Variants in SHISA9 observed in about 807,000 individuals in gnomAD.
SHISA9 encodes the protein protein shisa-9.
Under a neutral mutation model 38.0 loss-of-function variants are expected in SHISA9, and 13 were observed. The observed-to-expected ratio is 0.34, with a 90% CI of 0.22 to 0.54. The LOEUF (loss-of-function observed/expected upper bound fraction) is 0.54. Ranked by LOEUF, SHISA9 falls within the 20% of genes least tolerant of loss-of-function variation. SHISA9 has a pLI of 0.91. For synonymous variants in SHISA9, 275 were observed against 242.0 expected (o/e 1.14, Z -1.27); for missense variants, 538 against 575.8 (o/e 0.93, Z 0.67).
intron 2 of SHISA9, among the ~76,000 whole-genome samples, chr16:13,006,900 T>G (rs2072604928): frequency 6.6e-6 from 1 of 152,156 alleles, no homozygotes; most frequent in Non-Finnish European, 1.5e-5. Flanking sequence ...CTCTGACCAT[T>G]CAGCTCAGGC....
chr16:13,232,333 A>T (rs1410428754), intron 4 of SHISA9, among the ~76,000 whole-genome samples: 1 of 152,240 alleles, frequency 6.6e-6, no homozygotes, highest in Admixed American at 6.5e-5. Context: ...AAATTGTCAA[A>T]TGAAAAACAA....
intron 2 of SHISA9, among the ~76,000 whole-genome samples, chr16:13,081,441 A>T (rs929170937): frequency 6.6e-6 from 1 of 152,182 alleles, no homozygotes; most frequent in Non-Finnish European, 1.5e-5. Flanking sequence ...GCCAAGGGAA[A>T]CTGGGCTGAA....
chr16:13,259,530 A>C, the SHISA9 span, among the ~76,000 whole-genome samples: 5 of 152,248 alleles, frequency 3.3e-5, no homozygotes, highest in Admixed American at 6.5e-5. Context: ...CTGCCCTAGC[A>C]GAGGTTCTCC....
the SHISA9 span, among the ~76,000 whole-genome samples, chr16:13,251,247 T>C: frequency 6.6e-6 from 1 of 152,126 alleles, no homozygotes; most frequent in African/African-American, 2.4e-5. Flanking sequence ...TGGCAGATAA[T>C]ATTCCAGGGG....
At chr16:13,310,255 C>T in the SHISA9 span, among the ~76,000 whole-genome samples, 2 of 151,978 alleles carry the variant, frequency 1.3e-5, no homozygotes, top group South Asian at 4.1e-4. Context: ...ACTCGTGTTA[C>T]AGTTATAACT....
intron 2 of SHISA9, among the ~76,000 whole-genome samples, chr16:13,168,678 T>G (rs1419518509): frequency 1.3e-5 from 2 of 152,216 alleles, no homozygotes; most frequent in African/African-American, 4.8e-5. Flanking sequence ...AGCTGGGATT[T>G]GCTCTGGATC....
At chr16:13,022,483 C>CA (rs1398451021) in intron 2 of SHISA9, among the ~76,000 whole-genome samples, 3 of 152,110 alleles carry the variant, frequency 2.0e-5, no homozygotes, top group Admixed American at 6.5e-5. Flanking sequence ...AGGCATGTGC[C>CA]ACCACACCCG....
chr16:12,977,865 A>G (rs896374318), intron 2 of SHISA9, among the ~76,000 whole-genome samples: 2 of 152,148 alleles, frequency 1.3e-5, no homozygotes, highest in African/African-American at 4.8e-5. Flanking sequence ...TAGCTAATGC[A>G]TGCTGGGTTT....
the SHISA9 span, among the ~76,000 whole-genome samples, chr16:13,292,611 C>T: frequency 1.3e-5 from 2 of 152,190 alleles, no homozygotes; most frequent in East Asian, 3.9e-4. Context: ...AAATCCAGTC[C>T]TCATCCAAGA....
chr16:13,207,789 A>T (rs1332908907), intron 3 of SHISA9, among the ~76,000 whole-genome samples: 1 of 152,224 alleles, frequency 6.6e-6, no homozygotes, highest in Non-Finnish European at 1.5e-5. Context: ...GTTCTTTGTT[A>T]AAGCATAATG....
chr16:12,928,326 G>GTGTGTGTGTGTGTGTA (rs1382963907), intron 2 of SHISA9, among the ~76,000 whole-genome samples: 1 of 140,666 alleles, frequency 7.1e-6, no homozygotes, highest in African/African-American at 2.5e-5. Flanking sequence ...GTGTGTGTGT[G>GTGTGTGTGTGTGTGTA]TGTGTATGTG....
the SHISA9 span, among the ~76,000 whole-genome samples, chr16:13,431,548 G>C: frequency 6.6e-6 from 1 of 152,094 alleles, no homozygotes; most frequent in South Asian, 2.1e-4. Context: ...ACAAACATTT[G>C]GTCCACTGTT....
chr16:13,067,093 AG>A (rs1406076781), intron 2 of SHISA9, among the ~76,000 whole-genome samples: 21 of 152,370 alleles, frequency 1.4e-4, no homozygotes, highest in African/African-American at 5.0e-4. Context: ...TGAGGGACAC[AG>A]GTAGAAACAC....
intron 2 of SHISA9, among the ~76,000 whole-genome samples, chr16:12,947,693 C>G (rs758141203): frequency 1.5e-4 from 23 of 152,148 alleles, no homozygotes; most frequent in Non-Finnish European, 2.6e-4. Flanking sequence ...TTTAGGATAA[C>G]TCATCTATCA....
Position 13,002,688 on chromosome 16 carries a change from G to A in SHISA9, c.691+85873G>A, listed in dbSNP as rs143779094. On this transcript the variant is annotated intron_variant, in intron 2 of 4. Transcript: ENST00000558583. Reference sequence around the variant, plus strand: ...GCTGGGATTACAGATGCGCACCACCGCACTGGGCTAATTTTTGTATTTTTA... The same window carrying A: ...GCTGGGATTACAGATGCGCACCACCACACTGGGCTAATTTTTGTATTTTTA... Among the ~76,000 whole-genome samples the A allele has an allele frequency of 6.0e-3, 915 of 151,674 alleles. 7 individuals carry two copies. Among genetic ancestry groups the A allele is most frequent in the Middle Eastern group, 0.034 (10 of 294 alleles).
chr16:13,035,329 G>C (rs887558258), intron 2 of SHISA9, among the ~76,000 whole-genome samples: 1 of 152,176 alleles, frequency 6.6e-6, no homozygotes, highest in African/African-American at 2.4e-5. Context: ...GGGTCAACCA[G>C]CTAGGAAAGA....
chr16:13,285,462 GTTTTTTTT>G, the SHISA9 span, among the ~76,000 whole-genome samples: 4 of 95,784 alleles, frequency 4.2e-5, no homozygotes, highest in Non-Finnish European at 7.9e-5. Context: ...TTCAGGTGTA[GTTTTTTTT>G]TTTTTTTTTT....
At chr16:13,127,331 G>C (rs1440614605) in intron 2 of SHISA9, among the ~76,000 whole-genome samples, 1 of 137,852 alleles carries the variant, frequency 7.3e-6, no homozygotes, top group African/African-American at 2.7e-5. Context: ...AGAGATGAAG[G>C]GGTGAGAGAG....
chr16:13,232,629 CATCA>C (rs951881999), intron 4 of SHISA9, among the ~76,000 whole-genome samples: 5 of 152,126 alleles, frequency 3.3e-5, no homozygotes, highest in African/African-American at 1.2e-4. Flanking sequence ...AGGTATGAGA[CATCA>C]ATCAAATACA....
Sources: gnomAD v4.1 joint callset for allele counts (sites outside exome capture counted in the v4.1 genomes callset) on GRCh38, gnomAD v4.1.1 for gene constraint, MANE v1.5 for transcripts, NCBI Gene and HGNC (gene_info 2026-07-23, HGNC 2026-07-21) for gene names.